WFDC9: variants seen among roughly 807,000 people sequenced by gnomAD.
WFDC9 encodes WAP four-disulfide core domain 9, also known as protein WFDC9.
WFDC9 carries 9 observed loss-of-function variants against 9.5 expected under a neutral mutation model. That is an observed-to-expected ratio of 0.95 (90% CI 0.57 to 1.65). WFDC9 has a LOEUF of 1.65. Among genes scored for constraint, WFDC9 ranks in the 40% most tolerant of loss-of-function variants. The pLI is 0.00. For missense variants in WFDC9, 87 were observed against 106.7 expected, an observed-to-expected ratio of 0.82 and a Z score of 0.81; for synonymous variants, 33 against 32.3, an observed-to-expected ratio of 1.02 and a Z score of -0.07.
intron 1 of WFDC9, among the ~76,000 whole-genome samples, chr20:45,630,324 G>T (rs1263230815): frequency 2.6e-5 from 4 of 151,788 alleles, no homozygotes; most frequent in African/African-American, 9.7e-5. Context: ...CATAAGACAA[G>T]CAAAAGTTGG....
intron 1 of WFDC9, among the ~76,000 whole-genome samples, chr20:45,624,140 C>T (rs1406857067): frequency 3.3e-5 from 5 of 152,100 alleles, no homozygotes; most frequent in African/African-American, 1.2e-4. Context: ...TGCAGTGAGT[C>T]GAGATCGTCC....
At chr20:45,625,804 A>ATTTTTTTTTTTTT (rs1303424661) in intron 1 of WFDC9, among the ~76,000 whole-genome samples, 1 of 42,956 alleles carries the variant, frequency 2.3e-5, no homozygotes, top group Non-Finnish European at 4.3e-5. Flanking sequence ...TAGGTTCTCT[A>ATTTTTTTTTTTTT]TTCTTTTTTT....
At chr20:45,609,449 C>A (rs1981808183) in intron 3 of WFDC9, among the ~76,000 whole-genome samples, 1 of 152,104 alleles carries the variant, frequency 6.6e-6, no homozygotes, top group Non-Finnish European at 1.5e-5. Context: ...GATCCGCCCA[C>A]CTCAGCCTCC....
chr20:45,621,889 A>C (rs896433701), intron 1 of WFDC9, among the ~76,000 whole-genome samples: 2 of 152,220 alleles, frequency 1.3e-5, no homozygotes, highest in African/African-American at 4.8e-5. Flanking sequence ...GTAATAAATC[A>C]TAGCTGCAAG....
intron 2 of WFDC9, among the ~76,000 whole-genome samples, chr20:45,610,702 TAA>T (rs1568651471): frequency 6.6e-6 from 1 of 152,130 alleles, no homozygotes; most frequent in Admixed American, 6.6e-5. Flanking sequence ...TAAAGCAATT[TAA>T]GAGGGAATTA....
intron 1 of WFDC9, among the ~76,000 whole-genome samples, chr20:45,615,525 T>TA (rs1393120484): frequency 6.6e-6 from 1 of 152,176 alleles, no homozygotes; most frequent in Non-Finnish European, 1.5e-5. Context: ...CAGGCTACCA[T>TA]AAAAAAGGTA....
intron 1 of WFDC9, among the ~76,000 whole-genome samples, chr20:45,619,497 G>A (rs1982045654): frequency 6.6e-6 from 1 of 152,016 alleles, no homozygotes; most frequent in African/African-American, 2.4e-5. Flanking sequence ...GTTGCTACCA[G>A]GTCTGCCTTT....
At chr20:45,622,308 A>G (rs1403831588) in intron 1 of WFDC9, among the ~76,000 whole-genome samples, 2 of 152,090 alleles carry the variant, frequency 1.3e-5, no homozygotes, top group Admixed American at 1.3e-4. Flanking sequence ...TTTGTATTTG[A>G]TGTTCCTACA....
At chr20:45,616,211 A>G (rs1981972840) in intron 1 of WFDC9, among the ~76,000 whole-genome samples, 1 of 152,212 alleles carries the variant, frequency 6.6e-6, no homozygotes, top group Non-Finnish European at 1.5e-5. Flanking sequence ...AAGTTTATGC[A>G]ATATTCTGAA....
intron 1 of WFDC9, among the ~76,000 whole-genome samples, chr20:45,629,076 C>A (rs1245567153): frequency 6.6e-6 from 1 of 152,088 alleles, no homozygotes; most frequent in South Asian, 2.1e-4. Flanking sequence ...TGTCCCATGC[C>A]CTACAATAGT....
rs760181979 is a variant in WFDC9, at chr20:45,608,123, A to G, written c.257T>C (p.Met86Thr). ...CLDNEEPLKSMLNP is the reference protein window; with the variant it reads ...CLDNEEPLKSTLNP ...GGCCAATAGAATCTAGGGGTTTAGC[A>G]TTGATTTAAGGGGCTCTCTAGAAGA... Residue 86 changes from methionine to threonine, a missense_variant, in exon 5 of 5, where the codon ATG (methionine) becomes ACG (threonine). Physicochemically the swap from Met to Thr is moderately conservative, Grantham distance 81 (BLOSUM62 -1). Coordinates refer to ENST00000326000, the MANE Select transcript of WFDC9 (RefSeq NM_147198.4). 1 of 1,613,220 alleles carries G rather than the reference A, an allele frequency of 6.2e-7. No individual in the cohort carries two copies. The highest frequency in any genetic ancestry group is 1.3e-5 in the African/African-American group (1 of 74,996).
At chr20:45,629,938 A>T (rs1982316176) in intron 1 of WFDC9, 1 of 1,602,846 alleles carries the variant, frequency 6.2e-7, no homozygotes, top group Non-Finnish European at 8.5e-7. Flanking sequence ...GTGAGGGGGA[A>T]TTGGGTAGGG....
intron 1 of WFDC9, among the ~76,000 whole-genome samples, chr20:45,617,782 CCTGA>C (rs1982005472): frequency 6.6e-6 from 1 of 152,174 alleles, no homozygotes; most frequent in Non-Finnish European, 1.5e-5. Context: ...CACCATCATG[CCTGA>C]CTAATAGCCT....
chr20:45,626,367 T>C (rs1324991908), intron 1 of WFDC9, among the ~76,000 whole-genome samples: 1 of 152,164 alleles, frequency 6.6e-6, no homozygotes, highest in African/African-American at 2.4e-5. Context: ...GCATTGACTC[T>C]GTAGATGGTT....
Position 45,629,286 on chromosome 20 carries a change from T to G in WFDC9, c.-153+1917A>C, listed in dbSNP as rs182386138. Among the ~76,000 whole-genome samples the G allele has an allele frequency of 5.4e-4, 82 of 152,342 alleles. 1 individual carries two copies. In the East Asian group the frequency reaches 0.014, roughly 26 times the overall value. On this transcript the variant is annotated intron_variant, in intron 1 of 4. Transcript: ENST00000326000. ...TTAGTAATTAGTACAATACAAATAC[T>G]TGATTATTAGCATTTGAGAGCTGTG... is the stretch of plus-strand genomic sequence containing the variant.
At chr20:45,613,988 G>A (rs1285504223) in intron 2 of WFDC9, among the ~76,000 whole-genome samples, 2 of 152,168 alleles carry the variant, frequency 1.3e-5, no homozygotes, top group Non-Finnish European at 2.9e-5. Flanking sequence ...GATATACAGT[G>A]ACAGGAACAC....
At chr20:45,625,206 A>G (rs1982189908) in intron 1 of WFDC9, among the ~76,000 whole-genome samples, 1 of 152,126 alleles carries the variant, frequency 6.6e-6, no homozygotes, top group Non-Finnish European at 1.5e-5. Context: ...GGGAAACTGC[A>G]CCTTTTAAAC....
Position 45,608,727 on chromosome 20 carries a change from T to C in WFDC9, c.175A>G (p.Thr59Ala), listed in dbSNP as rs768093094. The C allele has an allele frequency of 6.2e-7, 1 of 1,614,078 alleles. No homozygotes were observed. The highest frequency in any genetic ancestry group is 8.5e-7 in the Non-Finnish European group (1 of 1,179,976). Reference protein sequence around the residue: ...YCEKRCTKIMTCVRPNHTCCW... With the variant: ...YCEKRCTKIMACVRPNHTCCW... ...CATGTATGATTTGGACGTACACAAG[T>C]CATTATTTTAGTACACCTTTTCTCA... The change falls in exon 4 of 5, where the codon ACT becomes GCT. Residue 59 changes from threonine to alanine, a missense_variant. Physicochemically the swap from Thr to Ala is moderately conservative, Grantham distance 58. Coordinates refer to ENST00000326000, the MANE Select transcript of WFDC9 (RefSeq NM_147198.4).
chr20:45,608,196 A>T, intron 4 of WFDC9, 56 bp from the exon 5 acceptor site: 1 of 1,552,018 alleles, frequency 6.4e-7, no homozygotes, highest in South Asian at 1.2e-5. Context: ...CCATTTCTAA[A>T]ATTAATAGCA....
Sources: allele counts gnomAD v4.1 joint callset (sites outside exome capture counted in the v4.1 genomes callset), GRCh38; gene constraint gnomAD v4.1.1; transcripts MANE v1.5; gene names NCBI Gene and HGNC (gene_info 2026-07-23, HGNC 2026-07-21).